CEP112: variants seen among roughly 807,000 people sequenced by gnomAD.
CEP112 encodes centrosomal protein 112.
Under a neutral mutation model 153.0 loss-of-function variants are expected in CEP112, and 127 were observed. The ratio of observed to expected loss-of-function variants is 0.83; its 90% confidence interval spans 0.72 to 0.96. The LOEUF (loss-of-function observed/expected upper bound fraction) is 0.96. Among genes scored for constraint, CEP112 ranks in the 40% least tolerant of loss-of-function variants. The pLI is 0.00. For synonymous variants in CEP112, 358 were observed against 374.4 expected, an observed-to-expected ratio of 0.96 and a Z score of 0.51; for missense variants, 1,089 against 1,101.2, an observed-to-expected ratio of 0.99 and a Z score of 0.16.
At chr17:66,076,734 T>C (rs533747817) in intron 8 of CEP112, among the ~76,000 whole-genome samples, 2 of 152,320 alleles carry the variant, frequency 1.3e-5, no homozygotes, top group East Asian at 3.9e-4. Context: ...TGTCACCCTC[T>C]GGCAGGAGGC....
At chr17:65,741,747 A>ACCC (rs1195823516) in intron 23 of CEP112, among the ~76,000 whole-genome samples, 1 of 151,978 alleles carries the variant, frequency 6.6e-6, no homozygotes, top group African/African-American at 2.4e-5. Flanking sequence ...ACATAAAGTG[A>ACCC]AACAGAAATG....
chr17:66,140,221 AAT>A (rs980140369), intron 4 of CEP112, among the ~76,000 whole-genome samples: 5 of 152,224 alleles, frequency 3.3e-5, no homozygotes, highest in African/African-American at 1.2e-4. Flanking sequence ...GACGAAATTC[AAT>A]ATTTTTTTAT....
At chr17:66,065,502 C>T (rs893401400) in intron 10 of CEP112, among the ~76,000 whole-genome samples, 3 of 152,200 alleles carry the variant, frequency 2.0e-5, no homozygotes, top group Non-Finnish European at 2.9e-5. Context: ...TCCTAAAACT[C>T]ACATCTCAAA....
chr17:65,811,421 G>T (rs2055947334), intron 21 of CEP112, among the ~76,000 whole-genome samples: 1 of 152,162 alleles, frequency 6.6e-6, no homozygotes, highest in South Asian at 2.1e-4. Flanking sequence ...AGAAATGTGG[G>T]GGTTGGGGAG....
At chr17:65,884,475 A>C (rs531796177) in intron 20 of CEP112, among the ~76,000 whole-genome samples, 1 of 152,288 alleles carries the variant, frequency 6.6e-6, no homozygotes, top group Non-Finnish European at 1.5e-5. Context: ...TCTACAGAAA[A>C]TATGTAAGGA....
intron 21 of CEP112, among the ~76,000 whole-genome samples, chr17:65,763,049 T>A (rs2052709761): frequency 6.6e-6 from 1 of 152,022 alleles, no homozygotes; most frequent in Non-Finnish European, 1.5e-5. Context: ...TTCTCCTCCA[T>A]TTTTGAAGAA....
intron 2 of CEP112, among the ~76,000 whole-genome samples, chr17:66,178,579 T>C (rs368628740): frequency 2.0e-5 from 3 of 152,194 alleles, no homozygotes; most frequent in African/African-American, 7.2e-5. Flanking sequence ...CATTTGTCCA[T>C]TGTCGCTTTG....
chr17:66,015,167 A>G (rs2145562124), intron 16 of CEP112, among the ~76,000 whole-genome samples: 1 of 152,352 alleles, frequency 6.6e-6, no homozygotes, highest in African/African-American at 2.4e-5. Context: ...ATAGCTTGGC[A>G]TATGTTTACT....
chr17:65,842,226 T>C (rs2057545788), intron 21 of CEP112, among the ~76,000 whole-genome samples: 1 of 152,136 alleles, frequency 6.6e-6, no homozygotes, highest in African/African-American at 2.4e-5. Context: ...ATTAATCTTG[T>C]AATTTTTAAA....
intron 23 of CEP112, among the ~76,000 whole-genome samples, chr17:65,695,765 C>T (rs1424697098): frequency 1.3e-5 from 2 of 152,280 alleles, no homozygotes; most frequent in Non-Finnish European, 2.9e-5. Flanking sequence ...CAAGACCGGA[C>T]GTCTTTCTAG....
chr17:65,892,352 A>G (rs887675000), intron 20 of CEP112, among the ~76,000 whole-genome samples: 4 of 152,342 alleles, frequency 2.6e-5, no homozygotes, highest in Admixed American at 1.3e-4. Flanking sequence ...AAAATGTCCA[A>G]GTCACAGAGT....
intron 23 of CEP112, among the ~76,000 whole-genome samples, chr17:65,736,280 C>T (rs544144532): frequency 1.3e-4 from 20 of 152,144 alleles, no homozygotes; most frequent in Middle Eastern, 3.4e-3. Flanking sequence ...AGGTGGATGA[C>T]GGTGGTACTT....
At chr17:65,770,891 T>C (rs1221891906) in intron 21 of CEP112, among the ~76,000 whole-genome samples, 2 of 137,690 alleles carry the variant, frequency 1.5e-5, no homozygotes, top group African/African-American at 5.6e-5. Context: ...ATTCAGCCAC[T>C]GCACTCCAGC....
intron 17 of CEP112, among the ~76,000 whole-genome samples, chr17:65,999,775 G>GTGTTCT (rs79763704): frequency 0.41 from 62,341 of 151,550 alleles, 14,247 homozygotes; most frequent in East Asian, 0.87. Flanking sequence ...ATGTGTCCAT[G>GTGTTCT]TGTTCTTATC....
intron 4 of CEP112, among the ~76,000 whole-genome samples, chr17:66,171,742 C>G (rs748418944): frequency 6.6e-6 from 1 of 152,074 alleles, no homozygotes; most frequent in Non-Finnish European, 1.5e-5. Context: ...TATCTGTTAA[C>G]TAATGTAAAT....
intron 21 of CEP112, chr17:65,826,275 G>A: frequency 2.5e-6 from 4 of 1,613,944 alleles, no homozygotes; most frequent in Non-Finnish European, 3.4e-6. Context: ...GCAGATGGAT[G>A]GTCTAAACTC....
intron 4 of CEP112, among the ~76,000 whole-genome samples, chr17:66,156,135 T>C (rs2071429211): frequency 6.6e-6 from 1 of 152,062 alleles, no homozygotes; most frequent in Admixed American, 6.6e-5. Flanking sequence ...ACAGGAGAGC[T>C]CCGGCTGGCA....
chr17:66,184,216 A>G (rs1163141834), intron 1 of CEP112, among the ~76,000 whole-genome samples: 1 of 152,124 alleles, frequency 6.6e-6, no homozygotes, highest in East Asian at 1.9e-4. Context: ...CCATGATCGC[A>G]CCACTAAACT....
intron 20 of CEP112, among the ~76,000 whole-genome samples, chr17:65,894,930 T>C (rs552276771): frequency 7.2e-5 from 11 of 152,250 alleles, no homozygotes; most frequent in African/African-American, 2.2e-4. Flanking sequence ...CTTGTGGTCT[T>C]GGAGAAAGAG....
Sources: allele counts gnomAD v4.1 joint callset (sites outside exome capture counted in the v4.1 genomes callset), GRCh38; gene constraint gnomAD v4.1.1; transcripts MANE v1.5; gene names NCBI Gene and HGNC (gene_info 2026-07-23, HGNC 2026-07-21).